Variants in ANGPT1 observed in about 807,000 individuals in gnomAD.
The protein encoded by ANGPT1 is angiopoietin 1, also known as angiopoietin-1.
ANGPT1 carries 17 observed loss-of-function variants against 62.2 expected under a neutral mutation model. The ratio of observed to expected loss-of-function variants is 0.27; its 90% CI spans 0.19 to 0.41. The LOEUF is 0.41. ANGPT1 is among the 10% of genes least tolerant of loss of function. The pLI, the probability that ANGPT1 is intolerant of heterozygous loss-of-function variation, is 1.00. For synonymous variants in ANGPT1, 199 were observed against 198.9 expected, an observed-to-expected ratio of 1.00 and a Z score of 0.00; for missense variants, 478 against 594.9, an observed-to-expected ratio of 0.80 and a Z score of 2.04.
At chr8:107,436,977 A>G (rs1811351760) in intron 1 of ANGPT1, among the ~76,000 whole-genome samples, 1 of 152,204 alleles carries the variant, frequency 6.6e-6, no homozygotes, top group Non-Finnish European at 1.5e-5. Flanking sequence ...GAACACAAAC[A>G]TGTCAGCTAC....
chr8:107,362,270 A>G (rs1451400394), intron 1 of ANGPT1, among the ~76,000 whole-genome samples: 1 of 152,224 alleles, frequency 6.6e-6, no homozygotes, highest in Non-Finnish European at 1.5e-5. Context: ...CTGGCAAGTG[A>G]GAAAAACAAG....
At chr8:107,401,971 A>T (rs1817055714) in intron 1 of ANGPT1, among the ~76,000 whole-genome samples, 1 of 152,160 alleles carries the variant, frequency 6.6e-6, no homozygotes, top group African/African-American at 2.4e-5. Context: ...ATAGTCAGAC[A>T]ATGGGTCCCT....
chr8:107,388,146 A>G (rs1816767645), intron 1 of ANGPT1, among the ~76,000 whole-genome samples: 1 of 152,184 alleles, frequency 6.6e-6, no homozygotes, highest in Admixed American at 6.6e-5. Context: ...AATCATAATT[A>G]TGAGTAACAA....
rs370565146 is a variant in ANGPT1, at chr8:107,497,581, C to T, written c.-23G>A. The T allele has an allele frequency of 8.6e-5, 137 of 1,600,188 alleles. No homozygotes were observed. The highest frequency in any genetic ancestry group is 1.1e-4 in the Non-Finnish European group (130 of 1,171,364). On this transcript the variant is annotated 5_prime_UTR_variant, in exon 1 of 9. Coordinates refer to ENST00000517746, the MANE Select transcript of ANGPT1 (RefSeq NM_001146.5). Reference sequence around the variant, plus strand: ...CATTGTACTGCCAGCACACTCCTTCCGTGCCTCTCGCAAAACTTGCTCCTT... The same window carrying T: ...CATTGTACTGCCAGCACACTCCTTCTGTGCCTCTCGCAAAACTTGCTCCTT...
intron 1 of ANGPT1, among the ~76,000 whole-genome samples, chr8:107,357,798 G>A (rs1816078346): frequency 6.6e-6 from 1 of 152,114 alleles, no homozygotes; most frequent in African/African-American, 2.4e-5. Flanking sequence ...GATTTTTCAG[G>A]AATACCATGA....
At chr8:107,323,119 C>T (rs1815194778) in intron 3 of ANGPT1, among the ~76,000 whole-genome samples, 1 of 152,278 alleles carries the variant, frequency 6.6e-6, no homozygotes, top group African/African-American at 2.4e-5. Context: ...TGAGGCCCTT[C>T]CTTCTCCCTG....
At chr8:107,274,371 T>C (rs1216745532) in intron 7 of ANGPT1, among the ~76,000 whole-genome samples, 1 of 152,158 alleles carries the variant, frequency 6.6e-6, no homozygotes. Context: ...TATAATAACT[T>C]TTAAGAGAGT....
At chr8:107,396,391 A>G (rs1292294755) in intron 1 of ANGPT1, among the ~76,000 whole-genome samples, 2 of 152,154 alleles carry the variant, frequency 1.3e-5, no homozygotes, top group African/African-American at 4.8e-5. Context: ...CAAAATTATT[A>G]TAATAGGTAA....
chr8:107,352,860 A>G (rs576103711), intron 1 of ANGPT1, among the ~76,000 whole-genome samples: 2 of 152,276 alleles, frequency 1.3e-5, no homozygotes, highest in East Asian at 3.9e-4. Flanking sequence ...AAAAGGTAAA[A>G]CAATGCAAAA....
At chr8:107,417,832 G>A (rs961000337) in intron 1 of ANGPT1, among the ~76,000 whole-genome samples, 1 of 152,144 alleles carries the variant, frequency 6.6e-6, no homozygotes, top group Non-Finnish European at 1.5e-5. Flanking sequence ...TTAAACGTAA[G>A]GCATTTGCAA....
chr8:107,351,002 G>A (rs914428646), intron 1 of ANGPT1, among the ~76,000 whole-genome samples: 6 of 152,046 alleles, frequency 3.9e-5, no homozygotes, highest in African/African-American at 1.4e-4. Flanking sequence ...TTTAAAATAT[G>A]TTTACAGAAA....
intron 3 of ANGPT1, among the ~76,000 whole-genome samples, chr8:107,327,355 T>C (rs1815313995): frequency 6.6e-6 from 1 of 152,050 alleles, no homozygotes. Flanking sequence ...GAGGTTGATA[T>C]GAAGGACAAC....
chr8:107,472,955 G>T (rs1464170511), intron 1 of ANGPT1, among the ~76,000 whole-genome samples: 1 of 152,012 alleles, frequency 6.6e-6, no homozygotes, highest in Non-Finnish European at 1.5e-5. Context: ...GAATGTAAAT[G>T]ACTCCCCCAT....
At chr8:107,493,504 G>C (rs1259783707) in intron 1 of ANGPT1, among the ~76,000 whole-genome samples, 1 of 150,264 alleles carries the variant, frequency 6.7e-6, no homozygotes, top group Non-Finnish European at 1.5e-5. Flanking sequence ...ACCTACTCTG[G>C]ACCCAATATT....
intron 1 of ANGPT1, among the ~76,000 whole-genome samples, chr8:107,372,871 C>T (rs986287494): frequency 1.3e-5 from 2 of 151,566 alleles, no homozygotes; most frequent in Admixed American, 6.6e-5. Flanking sequence ...CTAGAGTCTA[C>T]GCCAGGTATT....
intron 1 of ANGPT1, among the ~76,000 whole-genome samples, chr8:107,472,026 T>C (rs1812372859): frequency 6.6e-6 from 1 of 152,076 alleles, no homozygotes; most frequent in Admixed American, 6.6e-5. Context: ...TCTTGCTTTT[T>C]TGATGACCTA....
chr8:107,460,677 G>T (rs1812047192), intron 1 of ANGPT1, among the ~76,000 whole-genome samples: 1 of 152,100 alleles, frequency 6.6e-6, no homozygotes, highest in Admixed American at 6.6e-5. Flanking sequence ...ATTGCTGCCT[G>T]CTTGACACAC....
intron 1 of ANGPT1, among the ~76,000 whole-genome samples, chr8:107,422,709 T>A (rs1647973942): frequency 2.0e-5 from 3 of 152,222 alleles, no homozygotes; most frequent in Admixed American, 2.0e-4. Flanking sequence ...TAATTTTACA[T>A]CTAGAGTTTC....
chr8:107,416,453 G>A (rs1810748456), intron 1 of ANGPT1, among the ~76,000 whole-genome samples: 3 of 152,200 alleles, frequency 2.0e-5, no homozygotes, highest in Admixed American at 2.0e-4. Flanking sequence ...TTCCTCTGGG[G>A]TGTTGGGATG....
Sources: allele counts gnomAD v4.1 joint callset (sites outside exome capture counted in the v4.1 genomes callset), GRCh38; gene constraint gnomAD v4.1.1; transcripts MANE v1.5; gene names NCBI Gene and HGNC (gene_info 2026-07-23, HGNC 2026-07-21).